RGS5: variants seen among roughly 807,000 people sequenced by gnomAD.
RGS5 encodes regulator of G-protein signalling 5.
In RGS5, 20 loss-of-function variants were observed where a neutral mutation model predicts 18.9. The observed-to-expected ratio is 1.06, with a 90% CI of 0.74 to 1.54. RGS5 has a LOEUF of 1.54. Ranked by LOEUF, RGS5 falls within the 40% of genes most tolerant of loss-of-function variation. The pLI is 0.00. For missense variants in RGS5, 201 were observed against 211.8 expected (o/e 0.95, Z 0.32); for synonymous variants, 57 against 76.2 (o/e 0.75, Z 1.31).
chr1:163,281,674 A>G (rs1332359865), intron 2 of RGS5, among the ~76,000 whole-genome samples: 3 of 152,148 alleles, frequency 2.0e-5, no homozygotes, highest in African/African-American at 7.2e-5. Flanking sequence ...AAACCATATC[A>G]AGAACTATAG....
intron 2 of RGS5, among the ~76,000 whole-genome samples, chr1:163,290,560 T>C (rs965969550): frequency 6.6e-6 from 1 of 151,734 alleles, no homozygotes; most frequent in Non-Finnish European, 1.5e-5. Flanking sequence ...TTTATTCTCT[T>C]ATAATAAACC....
At chr1:163,219,794 G>T (rs1223245709), upstream of RGS5, among the ~76,000 whole-genome samples, 2 of 152,106 alleles carry the variant, frequency 1.3e-5, no homozygotes, top group Non-Finnish European at 2.9e-5. Flanking sequence ...CTGTAATTTT[G>T]TAACTATACC....
intron 2 of RGS5, among the ~76,000 whole-genome samples, chr1:163,264,640 T>C (rs1464214783): frequency 3.3e-5 from 5 of 152,124 alleles, no homozygotes; most frequent in African/African-American, 1.2e-4. Flanking sequence ...TCTTCCACTT[T>C]AATAATTTAA....
intron 2 of RGS5, among the ~76,000 whole-genome samples, chr1:163,222,660 A>C (rs1430512699): frequency 1.3e-5 from 2 of 152,170 alleles, no homozygotes; most frequent in African/African-American, 2.4e-5. Context: ...GTGACAGAGC[A>C]ACAGAGAAGA....
chr1:163,268,161 A>C (rs1648616230), intron 2 of RGS5, among the ~76,000 whole-genome samples: 1 of 152,090 alleles, frequency 6.6e-6, no homozygotes, highest in Non-Finnish European at 1.5e-5. Context: ...TGGTAGGGTT[A>C]TTAGCCCATC....
intron 1 of RGS5, among the ~76,000 whole-genome samples, chr1:163,193,024 G>A (rs555095641): frequency 6.6e-6 from 1 of 152,306 alleles, no homozygotes; most frequent in South Asian, 2.1e-4. Flanking sequence ...TCAAAAAGTG[G>A]AAGCTTGACC....
At chr1:163,161,800 C>A (rs964777354) in intron 3 of RGS5, 115 bp downstream of exon 3, 5 of 783,812 alleles carry the variant, frequency 6.4e-6, no homozygotes, top group African/African-American at 1.7e-5. Flanking sequence ...ATATCACCTT[C>A]AAAAATTGAA....
intron 1 of RGS5, among the ~76,000 whole-genome samples, chr1:163,315,154 A>G (rs1186053270): frequency 6.6e-6 from 1 of 152,214 alleles, no homozygotes; most frequent in Non-Finnish European, 1.5e-5. Flanking sequence ...ATAAAATTAG[A>G]CTACATTAAG....
In RGS5 at chr1:163,243,653, A is replaced by AAAC. The variant is rs1553223261; in HGVS notation, c.-281+62579_-281+62580insGTT. 2.0e-5 allele frequency among the ~76,000 whole-genome samples: 3 copies of AAAC among 150,982 alleles called. 1 individual carries two copies. Among genetic ancestry groups the AAAC allele is most frequent in the South Asian group, 2.1e-4 (1 of 4,772 alleles). ...AGCAAGACTCCGTCTCAAAAAAAAA[A>AAAC]AAAAAAAAAAAACCTAGATGACAGG... On this transcript the variant is annotated intron_variant, in intron 2 of 5. Transcript: ENST00000618415.
chr1:163,287,894 T>C (rs1236945719), intron 2 of RGS5, among the ~76,000 whole-genome samples: 1 of 152,222 alleles, frequency 6.6e-6, no homozygotes, highest in African/African-American at 2.4e-5. Context: ...TTACAGACTT[T>C]TCTTCAGTTA....
chr1:163,171,834 G>A (rs771112029), intron 1 of RGS5, among the ~76,000 whole-genome samples: 17 of 152,166 alleles, frequency 1.1e-4, no homozygotes, highest in Non-Finnish European at 2.4e-4. Flanking sequence ...TTGCTTTCAA[G>A]GTGCTTTTAG....
intron 2 of RGS5, among the ~76,000 whole-genome samples, chr1:163,270,321 G>A (rs566567764): frequency 7.0e-4 from 95 of 135,560 alleles, no homozygotes; most frequent in Non-Finnish European, 1.2e-3. Flanking sequence ...AGACTAACCT[G>A]AGCAACATAG....
intron 1 of RGS5, among the ~76,000 whole-genome samples, chr1:163,183,174 A>C (rs1658934298): frequency 6.6e-6 from 1 of 152,210 alleles, no homozygotes; most frequent in East Asian, 1.9e-4. Context: ...AAATAACATA[A>C]CAATGAGGAA....
chr1:163,149,696 AT>A (rs1657298141), intron 4 of RGS5, among the ~76,000 whole-genome samples: 1 of 152,116 alleles, frequency 6.6e-6, no homozygotes, highest in Admixed American at 6.5e-5. Flanking sequence ...TTTAATTCCA[AT>A]TTTTACCATT....
intron 1 of RGS5, among the ~76,000 whole-genome samples, chr1:163,209,802 T>G (rs1486951950): frequency 1.3e-5 from 2 of 152,180 alleles, no homozygotes; most frequent in Non-Finnish European, 2.9e-5. Flanking sequence ...GAGATAGTTT[T>G]CTTTTTCTTT....
chr1:163,213,707 T>C (rs1288341815), intron 1 of RGS5, among the ~76,000 whole-genome samples: 1 of 152,178 alleles, frequency 6.6e-6, no homozygotes, highest in African/African-American at 2.4e-5. Context: ...TGGTTTTTCC[T>C]CCTACGCTCC....
At chr1:163,317,365 C>G (rs1393120840) in intron 1 of RGS5, among the ~76,000 whole-genome samples, 3 of 152,164 alleles carry the variant, frequency 2.0e-5, no homozygotes, top group Non-Finnish European at 2.9e-5. Flanking sequence ...TTAAGAAACT[C>G]TATCCTTGAT....
chr1:163,233,012 C>T (rs1279060139), intron 2 of RGS5, among the ~76,000 whole-genome samples: 12 of 152,160 alleles, frequency 7.9e-5, no homozygotes, highest in Non-Finnish European at 1.6e-4. Context: ...AAGATCCAAT[C>T]CAAGATCAAT....
chr1:163,274,180 T>G (rs1252370639), intron 2 of RGS5, among the ~76,000 whole-genome samples: 1 of 152,074 alleles, frequency 6.6e-6, no homozygotes, highest in Non-Finnish European at 1.5e-5. Flanking sequence ...GACACCTGAG[T>G]GTATGCTAAT....
Sources: gnomAD v4.1 joint callset for allele counts (sites outside exome capture counted in the v4.1 genomes callset) on GRCh38, gnomAD v4.1.1 for gene constraint, MANE v1.5 for transcripts, NCBI Gene and HGNC (gene_info 2026-07-23, HGNC 2026-07-21) for gene names.